Variants in SYK observed in about 807,000 individuals in gnomAD.
SYK encodes spleen associated tyrosine kinase, also known as tyrosine-protein kinase SYK.
In SYK, 16 loss-of-function variants were observed where a neutral mutation model predicts 77.8. That is an observed-to-expected ratio of 0.21 (90% confidence interval 0.14 to 0.31). The LOEUF is 0.31. Among genes scored for constraint, SYK ranks in the 10% least tolerant of loss-of-function variants. SYK has a pLI of 1.00. For synonymous variants in SYK, 312 were observed against 308.7 expected (o/e 1.01, Z -0.11); for missense variants, 529 against 814.4 (o/e 0.65, Z 4.26).
In SYK at chr9:90,883,116, G is replaced by A. The variant is rs567765218; in HGVS notation, c.1581+4163G>A. ...CCCAAAGGACTGCATCTTGCCCTGG[G>A]ACTATTGCTGATGCTGCCATCACCA... On this transcript the variant is annotated intron_variant, in intron 11 of 13. Coordinates refer to ENST00000375754, the MANE Select transcript of SYK (RefSeq NM_003177.7). Among the ~76,000 whole-genome samples the A allele has an allele frequency of 2.6e-4, 40 of 152,196 alleles. No individual in the cohort carries two copies. In the East Asian group the frequency reaches 6.2e-3, roughly 24 times the overall value.
At chr9:90,857,591 C>T (rs900595530) in intron 3 of SYK, among the ~76,000 whole-genome samples, 17 of 152,336 alleles carry the variant, frequency 1.1e-4, no homozygotes, top group South Asian at 4.1e-4. Context: ...AGTGCTATGG[C>T]GCAAGGCAGA....
chr9:90,885,737 A>C (rs1828546596), intron 11 of SYK, among the ~76,000 whole-genome samples: 1 of 152,228 alleles, frequency 6.6e-6, no homozygotes, highest in Admixed American at 6.5e-5. Flanking sequence ...CGTTATAATC[A>C]AACCACTTAA....
chr9:90,837,986 C>T (rs1251719174), intron 1 of SYK, among the ~76,000 whole-genome samples: 1 of 152,160 alleles, frequency 6.6e-6, no homozygotes, highest in Non-Finnish European at 1.5e-5. Context: ...CTGAAAGCAG[C>T]CAGGGTCTCA....
intron 13 of SYK, among the ~76,000 whole-genome samples, chr9:90,893,520 G>A (rs1828874146): frequency 6.6e-6 from 1 of 152,028 alleles, no homozygotes; most frequent in African/African-American, 2.4e-5. Context: ...GGGAGGGAGA[G>A]AAATAGTCTC....
chr9:90,881,846 A>G (rs1828170755), intron 11 of SYK, among the ~76,000 whole-genome samples: 1 of 152,164 alleles, frequency 6.6e-6, no homozygotes, highest in Non-Finnish European at 1.5e-5. Flanking sequence ...TCCGAGAGCA[A>G]ACACACACAT....
At position 90,848,373 on chromosome 9, in the gene SYK, G is replaced by T. The variant is rs116368808; in HGVS notation, c.578+2779G>T. Among the ~76,000 whole-genome samples, 722 of 152,368 alleles carry T rather than the reference G, an allele frequency of 4.7e-3. 4 individuals carry two copies. The highest frequency in any genetic ancestry group is 0.017 in the African/African-American group (693 of 41,594). On this transcript the variant is annotated intron_variant, in intron 3 of 13. Coordinates refer to ENST00000375754, the MANE Select transcript of SYK (RefSeq NM_003177.7). ...CGTCAGCTCCTGATTCACTGTGGGA[G>T]TCTGTCCTATATTCCCCTGTTGGGT...
At position 90,834,484 on chromosome 9, in the gene SYK, C is replaced by T. The variant is rs943233260; in HGVS notation, c.-41-9374C>T. Among the ~76,000 whole-genome samples, 4 of 152,338 alleles carry T rather than the reference C, an allele frequency of 2.6e-5. No individual in the cohort carries two copies. The East Asian group carries it at 5.8e-4, about 22-fold the overall frequency. ...CCGGGTCGCCAGCGTTCCCGATTCT[C>T]ACCTCTGTGTCCCTGGGTTTCCTGC... On this transcript the variant is annotated intron_variant, in intron 1 of 13. Coordinates refer to ENST00000375754, the MANE Select transcript of SYK (RefSeq NM_003177.7).
chr9:90,874,584 C>A, intron 8 of SYK, 88 bp from the exon 9 acceptor site: 1 of 1,439,260 alleles, frequency 6.9e-7, no homozygotes, highest in Non-Finnish European at 9.5e-7. Context: ...ACTCTGAGTT[C>A]ATATTCCCAT....
chr9:90,849,226 A>G (rs1208613565), intron 3 of SYK, among the ~76,000 whole-genome samples: 1 of 152,164 alleles, frequency 6.6e-6, no homozygotes, highest in African/African-American at 2.4e-5. Context: ...GCCTGTACAT[A>G]TACTTGCAAA....
intron 3 of SYK, among the ~76,000 whole-genome samples, chr9:90,858,832 G>T (rs1472925275): frequency 6.6e-6 from 1 of 152,162 alleles, no homozygotes; most frequent in African/African-American, 2.4e-5. Context: ...ACAGGGGGCT[G>T]CCCAGGCCAC....
intron 3 of SYK, among the ~76,000 whole-genome samples, chr9:90,853,315 C>A (rs533894674): frequency 6.6e-6 from 1 of 150,854 alleles, no homozygotes; most frequent in East Asian, 1.9e-4. Flanking sequence ...GAGCTTGACA[C>A]CTCACCAGGC....
chr9:90,893,049 A>T (rs148067163), intron 13 of SYK, among the ~76,000 whole-genome samples: 1 of 152,220 alleles, frequency 6.6e-6, no homozygotes, highest in Non-Finnish European at 1.5e-5. Flanking sequence ...AGCTCCTGCT[A>T]TGCAGGCTGC....
At chr9:90,816,537 A>G (rs1825298954) in intron 1 of SYK, among the ~76,000 whole-genome samples, 2 of 152,334 alleles carry the variant, frequency 1.3e-5, no homozygotes, top group Non-Finnish European at 2.9e-5. Context: ...TTTTTTGGAC[A>G]AATTTAATCT....
intron 1 of SYK, among the ~76,000 whole-genome samples, chr9:90,806,215 C>G (rs948303429): frequency 4.6e-5 from 7 of 152,098 alleles, no homozygotes; most frequent in African/African-American, 1.7e-4. Context: ...GATGAAAGCC[C>G]TATTGACACA....
At chr9:90,869,233 A>G (rs1001485477) in intron 7 of SYK, among the ~76,000 whole-genome samples, 2 of 152,204 alleles carry the variant, frequency 1.3e-5, no homozygotes, top group Admixed American at 6.5e-5. Context: ...ATTAAATAGT[A>G]GAGAGTAATT....
At chr9:90,886,017 TAGA>T (rs1828560368) in intron 11 of SYK, among the ~76,000 whole-genome samples, 1 of 152,234 alleles carries the variant, frequency 6.6e-6, no homozygotes, top group African/African-American at 2.4e-5. Flanking sequence ...AGACTGATCC[TAGA>T]AGAAATACTC....
intron 1 of SYK, among the ~76,000 whole-genome samples, chr9:90,840,921 A>G (rs1333054622): frequency 6.6e-6 from 1 of 152,208 alleles, no homozygotes; most frequent in South Asian, 2.1e-4. Flanking sequence ...TGTCAGGCTG[A>G]TGCTCTTACA....
At chr9:90,819,927 G>T (rs973307462) in intron 1 of SYK, among the ~76,000 whole-genome samples, 1 of 152,116 alleles carries the variant, frequency 6.6e-6, no homozygotes, top group South Asian at 2.1e-4. Flanking sequence ...AGATACAATG[G>T]GGGTACAGGT....
At chr9:90,884,709 A>G (rs1353058328) in intron 11 of SYK, among the ~76,000 whole-genome samples, 1 of 48,668 alleles carries the variant, frequency 2.1e-5, no homozygotes, top group Non-Finnish European at 3.5e-5. Flanking sequence ...ACATGTACAT[A>G]TACACATATA....
Sources: gnomAD v4.1 joint callset for allele counts (sites outside exome capture counted in the v4.1 genomes callset) on GRCh38, gnomAD v4.1.1 for gene constraint, MANE v1.5 for transcripts, NCBI Gene and HGNC (gene_info 2026-07-23, HGNC 2026-07-21) for gene names.